WWOX: variants seen among roughly 807,000 people sequenced by gnomAD.
WWOX encodes the protein WW domain-containing oxidoreductase.
In WWOX, 69 loss-of-function variants were observed where a neutral mutation model predicts 46.2. That is an observed-to-expected ratio of 1.49 (90% CI 1.23 to 1.82). The LOEUF (loss-of-function observed/expected upper bound fraction) is 1.82, where lower values mean the gene tolerates loss of function less well. WWOX is among the 40% of genes most tolerant of loss of function. The pLI is 0.00. For synonymous variants in WWOX, 359 were observed against 202.6 expected (o/e 1.77, Z -6.56); for missense variants, 919 against 542.6 (o/e 1.69, Z -6.89).
At chr16:78,812,993 C>G (rs1413405390) in intron 8 of WWOX, among the ~76,000 whole-genome samples, 1 of 151,518 alleles carries the variant, frequency 6.6e-6, no homozygotes. Flanking sequence ...TGGGGAAACA[C>G]AATTAGGGAA....
At chr16:78,453,437 AAT>A (rs201213081) in intron 8 of WWOX, among the ~76,000 whole-genome samples, 9,638 of 151,666 alleles carry the variant, frequency 0.064, 331 homozygotes, top group East Asian at 0.09. Context: ...AAAAAAAAAA[AAT>A]TTCTTATTCA....
At chr16:78,851,800 A>G (rs970065680) in intron 8 of WWOX, among the ~76,000 whole-genome samples, 7 of 152,226 alleles carry the variant, frequency 4.6e-5, no homozygotes, top group Non-Finnish European at 7.3e-5. Context: ...CAAAAGTTTT[A>G]TTGTAGGATT....
rs138230660 is a variant in WWOX, at chr16:78,660,935, C to G, written c.1056+228183C>G. ...AGCTCAACCTCCTAATACTGCATGACGGATAATATGCCATCACATGGTGTC... is the reference window on the plus strand; with the variant it reads ...AGCTCAACCTCCTAATACTGCATGAGGGATAATATGCCATCACATGGTGTC... On this transcript the variant is annotated intron_variant, in intron 8 of 8. Transcript: ENST00000566780. Among the ~76,000 whole-genome samples the G allele has an allele frequency of 9.2e-3, 1,396 of 152,216 alleles. 22 individuals are homozygous for G. Among genetic ancestry groups the G allele is most frequent in the African/African-American group, 0.031 (1,288 of 41,532 alleles).
At chr16:79,067,724 G>C (rs760899051) in intron 8 of WWOX, among the ~76,000 whole-genome samples, 2 of 152,190 alleles carry the variant, frequency 1.3e-5, no homozygotes, top group East Asian at 1.9e-4. Context: ...CTCATCTGCA[G>C]CTGTATTCGC....
chr16:78,924,264 G>C (rs1042656902), intron 8 of WWOX, among the ~76,000 whole-genome samples: 1 of 152,128 alleles, frequency 6.6e-6, no homozygotes, highest in Admixed American at 6.5e-5. Flanking sequence ...TTTATAATGT[G>C]GTTAGACAAG....
At chr16:79,087,998 A>G (rs1449256712) in intron 8 of WWOX, among the ~76,000 whole-genome samples, 1 of 152,038 alleles carries the variant, frequency 6.6e-6, no homozygotes, top group Non-Finnish European at 1.5e-5. Context: ...CTTCCATTCT[A>G]GCTTCTTCTG....
intron 8 of WWOX, among the ~76,000 whole-genome samples, chr16:78,982,974 T>A (rs904454938): frequency 6.6e-6 from 1 of 152,146 alleles, no homozygotes; most frequent in African/African-American, 2.4e-5. Context: ...GGAGAAGCAG[T>A]CTTTGGGGCT....
At chr16:79,068,567 G>C (rs971142778) in intron 8 of WWOX, among the ~76,000 whole-genome samples, 8 of 152,000 alleles carry the variant, frequency 5.3e-5, no homozygotes, top group Non-Finnish European at 1.0e-4. Context: ...GCTTTGGGAG[G>C]CTGAAGCAGG....
chr16:78,874,903 C>G lies in WWOX; in HGVS notation c.1057-336705C>G, dbSNP rs117254142. ...TCAGATAGGCCCAAGAGCTCCCCTTCAAGCATAGAGACACAACCCTGTGAA... is the reference window on the plus strand; with the variant it reads ...TCAGATAGGCCCAAGAGCTCCCCTTGAAGCATAGAGACACAACCCTGTGAA... On this transcript the variant is annotated intron_variant, in intron 8 of 8. Coordinates refer to ENST00000566780, the MANE Select transcript of WWOX (RefSeq NM_016373.4). 2.5e-4 allele frequency among the ~76,000 whole-genome samples: 38 copies of G among 152,186 alleles called. No individual in the cohort carries two copies. In the East Asian group the frequency reaches 7.0e-3, roughly 28 times the overall value.
At chr16:79,000,273 C>A (rs951612938) in intron 8 of WWOX, among the ~76,000 whole-genome samples, 2 of 152,222 alleles carry the variant, frequency 1.3e-5, no homozygotes, top group Non-Finnish European at 2.9e-5. Context: ...TAGATCCCAT[C>A]TCTGGTAGAC....
chr16:79,103,898 C>T (rs1331495684), intron 8 of WWOX, among the ~76,000 whole-genome samples: 1 of 152,050 alleles, frequency 6.6e-6, no homozygotes, highest in Non-Finnish European at 1.5e-5. Context: ...TGGCTCTGTC[C>T]TTCAGGCAAA....
chr16:78,773,828 G>C (rs2050123980), intron 8 of WWOX, among the ~76,000 whole-genome samples: 2 of 152,322 alleles, frequency 1.3e-5, no homozygotes, highest in South Asian at 2.1e-4. Context: ...GTTCTGAACA[G>C]GGAGCTTGGC....
At chr16:79,174,873 C>G (rs1474452433) in intron 8 of WWOX, among the ~76,000 whole-genome samples, 1 of 152,190 alleles carries the variant, frequency 6.6e-6, no homozygotes, top group Non-Finnish European at 1.5e-5. Flanking sequence ...TGAGCCTTTA[C>G]TAGATGCCAT....
chr16:78,449,640 G>A (rs1567580185), intron 8 of WWOX, among the ~76,000 whole-genome samples: 1 of 152,170 alleles, frequency 6.6e-6, no homozygotes, highest in Non-Finnish European at 1.5e-5. Context: ...TGGACTGAGA[G>A]AGGCACCAAA....
In WWOX at chr16:78,734,317, C is replaced by G. The variant is rs139789767; in HGVS notation, c.1056+301565C>G. 1.2e-4 allele frequency among the ~76,000 whole-genome samples: 18 copies of G among 152,100 alleles called. No homozygotes were observed. In the East Asian group the frequency reaches 3.3e-3, roughly 28 times the overall value. On this transcript the variant is annotated intron_variant, in intron 8 of 8. Transcript: ENST00000566780. ...CCCCACATGCATCTCAGGAGGGTAG[C>G]CTCAGATATAAGCTTAGGAGTCCTG... is the stretch of plus-strand genomic sequence containing the variant.
At chr16:79,175,520 A>G (rs140360410) in intron 8 of WWOX, among the ~76,000 whole-genome samples, 260 of 152,310 alleles carry the variant, frequency 1.7e-3, no homozygotes, top group African/African-American at 5.7e-3. Flanking sequence ...ATTACTAGGT[A>G]GATTTCTCAC....
At chr16:78,680,670 T>G (rs11150094) in intron 8 of WWOX, among the ~76,000 whole-genome samples, 85,413 of 152,154 alleles carry the variant, frequency 0.56, 26,633 homozygotes, top group Admixed American at 0.71. Flanking sequence ...TTACAAGTGC[T>G]AAACATCCGG....
At chr16:78,901,744 C>T (rs1279102671) in intron 8 of WWOX, among the ~76,000 whole-genome samples, 1 of 152,248 alleles carries the variant, frequency 6.6e-6, no homozygotes, top group Non-Finnish European at 1.5e-5. Flanking sequence ...CTGCCATGGT[C>T]TCCCAAAGTG....
At chr16:78,322,699 G>A (rs1466134632) in intron 5 of WWOX, among the ~76,000 whole-genome samples, 2 of 152,208 alleles carry the variant, frequency 1.3e-5, no homozygotes, top group Non-Finnish European at 2.9e-5. Context: ...GTTACTCTGT[G>A]GAGCAGGGGC....
Sources: gnomAD v4.1 joint callset for allele counts (sites outside exome capture counted in the v4.1 genomes callset) on GRCh38, gnomAD v4.1.1 for gene constraint, MANE v1.5 for transcripts, NCBI Gene and HGNC (gene_info 2026-07-23, HGNC 2026-07-21) for gene names.